Variants in COL25A1 observed in about 807,000 individuals in gnomAD.
The protein encoded by COL25A1 is collagen type XXV alpha 1 chain, also known as collagen alpha-1(XXV) chain.
Under a neutral mutation model 128.4 loss-of-function variants are expected in COL25A1, and 103 were observed. The ratio of observed to expected loss-of-function variants is 0.80; its 90% CI spans 0.68 to 0.94. COL25A1 has a LOEUF of 0.94. Ranked by LOEUF, COL25A1 falls within the 40% of genes least tolerant of loss-of-function variation. The pLI is 0.00. For missense variants in COL25A1, 745 were observed against 840.0 expected (o/e 0.89, Z 1.40); for synonymous variants, 279 against 277.2 (o/e 1.01, Z -0.06).
Position 108,848,888 on chromosome 4 carries a change from C to T in COL25A1, c.1390-85G>A. On this transcript the variant is annotated intron_variant, in intron 26 of 37. Transcript: ENST00000399132. ...TAAAAAAACGATGCTAGTTTGTTAA[C>T]ACCACAATTTGACTTTCAGCAAATG... is the stretch of plus-strand genomic sequence containing the variant. 8 of 1,001,638 alleles carry T rather than the reference C, an allele frequency of 8.0e-6. No individual in the cohort carries two copies. The Middle Eastern group carries it at 1.0e-3, about 131-fold the overall frequency. The allele number at this position is 1,001,638 out of a possible 1,614,324, so 62.0% of individuals were successfully genotyped here.
intron 11 of COL25A1, among the ~76,000 whole-genome samples, chr4:108,936,551 A>G (rs1747433437): frequency 2.0e-5 from 3 of 152,058 alleles, no homozygotes; most frequent in African/African-American, 7.2e-5. Flanking sequence ...TGGGTGACAG[A>G]GCAAGACTCT....
intron 3 of COL25A1, among the ~76,000 whole-genome samples, chr4:109,218,382 T>TTTTTTTTTTTTG: frequency 7.6e-6 from 1 of 130,978 alleles, no homozygotes; most frequent in African/African-American, 3.0e-5. Context: ...TTTTTTTTTT[T>TTTTTTTTTTTTG]GCTTTTGAAC....
At chr4:109,210,030 G>A (rs2126194669) in intron 3 of COL25A1, among the ~76,000 whole-genome samples, 1 of 150,906 alleles carries the variant, frequency 6.6e-6, no homozygotes, top group East Asian at 1.9e-4. Flanking sequence ...CAGCCTGGGT[G>A]ACAGAGTGAG....
At chr4:109,219,920 T>C (rs907672734) in intron 3 of COL25A1, among the ~76,000 whole-genome samples, 5 of 152,202 alleles carry the variant, frequency 3.3e-5, no homozygotes, top group African/African-American at 1.2e-4. Flanking sequence ...TATGCTATTA[T>C]AATTTTCTGA....
At chr4:109,266,316 A>G (rs1781789273) in intron 3 of COL25A1, among the ~76,000 whole-genome samples, 1 of 152,202 alleles carries the variant, frequency 6.6e-6, no homozygotes, top group African/African-American at 2.4e-5. Flanking sequence ...CTATGGATGA[A>G]CAGCTGAGGA....
At chr4:109,019,536 G>A (rs1377940168) in intron 5 of COL25A1, among the ~76,000 whole-genome samples, 1 of 151,838 alleles carries the variant, frequency 6.6e-6, no homozygotes, top group African/African-American at 2.4e-5. Context: ...CATGGTAGAA[G>A]GGGAAGCAGG....
At chr4:108,983,536 A>T (rs1236965727) in intron 6 of COL25A1, among the ~76,000 whole-genome samples, 1 of 152,204 alleles carries the variant, frequency 6.6e-6, no homozygotes, top group African/African-American at 2.4e-5. Context: ...TTGCAGTAGT[A>T]TTGTGTCCAG....
chr4:108,961,271 C>A (rs1331439417), intron 8 of COL25A1, among the ~76,000 whole-genome samples: 2 of 152,122 alleles, frequency 1.3e-5, no homozygotes, highest in African/African-American at 4.8e-5. Flanking sequence ...TAAGTATTCA[C>A]ACACAGAGAT....
At chr4:109,255,017 A>G (rs75000712) in intron 3 of COL25A1, among the ~76,000 whole-genome samples, 5,944 of 152,286 alleles carry the variant, frequency 0.039, 403 homozygotes, top group African/African-American at 0.14. Flanking sequence ...TCAGGGATGA[A>G]TTGGAGTCAC....
At chr4:108,963,098 C>T (rs1306610811) in intron 8 of COL25A1, among the ~76,000 whole-genome samples, 1 of 152,200 alleles carries the variant, frequency 6.6e-6, no homozygotes, top group Non-Finnish European at 1.5e-5. Flanking sequence ...AGGAACTGTT[C>T]TCCCTGAACA....
chr4:108,959,761 A>G (rs1750465092), intron 8 of COL25A1, among the ~76,000 whole-genome samples: 1 of 152,150 alleles, frequency 6.6e-6, no homozygotes, highest in Non-Finnish European at 1.5e-5. Flanking sequence ...TTACAGCACT[A>G]ACATTCAACA....
At chr4:108,884,940 A>G (rs1408940550) in intron 18 of COL25A1, among the ~76,000 whole-genome samples, 1 of 152,166 alleles carries the variant, frequency 6.6e-6, no homozygotes, top group African/African-American at 2.4e-5. Flanking sequence ...AGTTGTCTAC[A>G]TTATTTTAAG....
At chr4:108,983,928 C>G (rs1753337562) in intron 6 of COL25A1, among the ~76,000 whole-genome samples, 1 of 152,116 alleles carries the variant, frequency 6.6e-6, no homozygotes, top group Non-Finnish European at 1.5e-5. Flanking sequence ...GGAAGGGGAC[C>G]CAAGCGGGTT....
intron 6 of COL25A1, among the ~76,000 whole-genome samples, chr4:109,003,394 T>C (rs967065251): frequency 2.0e-5 from 3 of 152,262 alleles, no homozygotes; most frequent in Non-Finnish European, 4.4e-5. Context: ...TAAATAATAC[T>C]TGTTGAGTAG....
intron 3 of COL25A1, among the ~76,000 whole-genome samples, chr4:109,135,778 GT>G (rs1233614333): frequency 2.6e-5 from 4 of 152,162 alleles, no homozygotes; most frequent in South Asian, 2.1e-4. Flanking sequence ...AGAAATTTGG[GT>G]TTTTTTCCCC....
At chr4:109,058,241 A>G (rs1761625316) in intron 3 of COL25A1, among the ~76,000 whole-genome samples, 1 of 152,064 alleles carries the variant, frequency 6.6e-6, no homozygotes. Flanking sequence ...AGAATGTTTT[A>G]CCCCAGGATC....
chr4:108,924,569 C>G (rs946983088), intron 11 of COL25A1, among the ~76,000 whole-genome samples: 1 of 152,106 alleles, frequency 6.6e-6, no homozygotes, highest in East Asian at 1.9e-4. Flanking sequence ...TATGGTCCAG[C>G]CTTCTTCTCC....
intron 13 of COL25A1, among the ~76,000 whole-genome samples, chr4:108,908,497 C>A (rs564454872): frequency 6.6e-6 from 1 of 152,232 alleles, no homozygotes; most frequent in South Asian, 2.1e-4. Context: ...CTGTGTAACA[C>A]GCAAAAGTAA....
Position 109,235,531 on chromosome 4 carries a change from T to C in COL25A1, c.367+65052A>G, listed in dbSNP as rs532063720. 4.5e-5 allele frequency among the ~76,000 whole-genome samples: 6 copies of C among 133,436 alleles called. No individual in the cohort carries two copies. The South Asian group carries it at 1.5e-3, about 33-fold the overall frequency. 87.5% of individuals were successfully genotyped at this position (133,436 alleles called of 152,430 possible). A position where few individuals can be genotyped will look rare whatever the true frequency, so the allele number is the denominator to read the frequency against. ...ACTGAAGGTATGCCCCCAACAAACA[T>C]ACACCCACACACGAATACACACACA... On this transcript the variant is annotated intron_variant, in intron 3 of 37. Coordinates refer to ENST00000399132, the MANE Select transcript of COL25A1 (RefSeq NM_198721.4).
Sources: gnomAD v4.1 joint callset for allele counts (sites outside exome capture counted in the v4.1 genomes callset) on GRCh38, gnomAD v4.1.1 for gene constraint, MANE v1.5 for transcripts, NCBI Gene and HGNC (gene_info 2026-07-23, HGNC 2026-07-21) for gene names.